RBPJ: variants seen among roughly 807,000 people sequenced by gnomAD.
The protein encoded by RBPJ is recombination signal binding protein for immunoglobulin kappa J region.
A neutral mutation model predicts 67.8 loss-of-function variants in RBPJ; 9 were observed. The observed-to-expected ratio is 0.13, with a 90% CI of 0.08 to 0.23. The LOEUF (loss-of-function observed/expected upper bound fraction) is 0.23, where lower values mean the gene tolerates loss of function less well. Ranked by LOEUF, RBPJ falls within the 10% of genes least tolerant of loss-of-function variation. The pLI is 1.00. For synonymous variants in RBPJ, 198 were observed against 203.3 expected (o/e 0.97, Z 0.22); for missense variants, 305 against 595.6 (o/e 0.51, Z 5.08).
chr4:26,180,304 C>T (rs527386712), intron 1 of RBPJ, among the ~76,000 whole-genome samples: 11 of 145,794 alleles, frequency 7.5e-5, no homozygotes, highest in African/African-American at 2.8e-4. Context: ...CAAACCGACA[C>T]ATGTACCCTT....
chr4:26,386,995 G>A (rs528026240), intron 2 of RBPJ, among the ~76,000 whole-genome samples: 23 of 150,794 alleles, frequency 1.5e-4, no homozygotes, highest in Admixed American at 3.3e-4. Flanking sequence ...AAGAAAATGA[G>A]ATATATATAT....
At chr4:26,320,671 C>T, upstream of RBPJ, 2 of 1,469,432 alleles carry the variant, frequency 1.4e-6, no homozygotes, top group Non-Finnish European at 1.8e-6. Flanking sequence ...TTCCTCGTCC[C>T]CGTAGTAATC....
intron 1 of RBPJ, among the ~76,000 whole-genome samples, chr4:26,360,734 A>G (rs1244458088): frequency 6.6e-6 from 1 of 151,556 alleles, no homozygotes; most frequent in African/African-American, 2.4e-5. Context: ...GGTGCGCGTC[A>G]CTATGACCAG....
At chr4:26,107,240 T>G in the RBPJ span, among the ~76,000 whole-genome samples, 1 of 152,192 alleles carries the variant, frequency 6.6e-6, no homozygotes, top group South Asian at 2.1e-4. Flanking sequence ...TAGGTAAAAA[T>G]AGTCTCAAGT....
chr4:26,110,198 C>A, the RBPJ span, among the ~76,000 whole-genome samples: 24 of 152,170 alleles, frequency 1.6e-4, no homozygotes, highest in Admixed American at 2.0e-4. The surrounding 1 kb of genome is among the most constrained non-coding windows in gnomAD (Gnocchi z 4.5). Context: ...ATTTCAATTT[C>A]TCTGTACTTC....
chr4:26,331,011 C>G (rs1318422310), intron 1 of RBPJ, among the ~76,000 whole-genome samples: 6 of 152,062 alleles, frequency 3.9e-5, no homozygotes, highest in Non-Finnish European at 7.4e-5. Context: ...CTAAAAGTAC[C>G]CATTCATTTA....
chr4:26,223,748 A>G (rs150730098), intron 1 of RBPJ, among the ~76,000 whole-genome samples: 130 of 152,342 alleles, frequency 8.5e-4, no homozygotes, highest in African/African-American at 3.0e-3. Context: ...TCTTAGAGAG[A>G]TAGACAGAGT....
chr4:26,354,329 A>G (rs553109937), intron 1 of RBPJ, among the ~76,000 whole-genome samples: 2 of 152,304 alleles, frequency 1.3e-5, no homozygotes, highest in South Asian at 2.1e-4. Context: ...TTTTATTTAA[A>G]TACAAAATAT....
chr4:26,199,643 T>A (rs1406783323), intron 1 of RBPJ, among the ~76,000 whole-genome samples: 1 of 152,070 alleles, frequency 6.6e-6, no homozygotes, highest in East Asian at 1.9e-4. Context: ...AAGCGGAAAT[T>A]TTAAGTTTCT....
At chr4:26,340,611 G>C (rs879684558) in intron 1 of RBPJ, among the ~76,000 whole-genome samples, 1 of 152,164 alleles carries the variant, frequency 6.6e-6, no homozygotes, top group Non-Finnish European at 1.5e-5. Context: ...TGTAATCCCA[G>C]CACTTTGGGA....
intron 1 of RBPJ, chr4:26,321,618 A>G (rs1577431770): frequency 6.5e-6 from 1 of 153,452 alleles, no homozygotes; most frequent in East Asian, 1.9e-4. Context: ...GTGACCTGCC[A>G]CAGCCCGGGC....
intron 1 of RBPJ, among the ~76,000 whole-genome samples, chr4:26,275,686 A>G (rs1721055478): frequency 6.6e-6 from 1 of 152,118 alleles, no homozygotes; most frequent in Admixed American, 6.5e-5. Flanking sequence ...GCTGGAGTGC[A>G]GTAGCGCGAT....
chr4:26,319,201 G>C (rs531782733), upstream of RBPJ, among the ~76,000 whole-genome samples: 697 of 152,126 alleles, frequency 4.6e-3, 3 homozygotes, highest in Admixed American at 0.01. Context: ...CAGGCTTGTG[G>C]AGGGCGACAG....
At chr4:26,151,579 T>C in the RBPJ span, among the ~76,000 whole-genome samples, 1 of 152,244 alleles carries the variant, frequency 6.6e-6, no homozygotes, top group Non-Finnish European at 1.5e-5. Context: ...AGAGAGTCAC[T>C]GTCCCCACCA....
chr4:26,173,457 A>C (rs1716677228), intron 1 of RBPJ, among the ~76,000 whole-genome samples: 1 of 152,284 alleles, frequency 6.6e-6, no homozygotes, highest in East Asian at 1.9e-4. Context: ...TTGAGTAGGA[A>C]GTTTGGAGAC....
chr4:26,412,641 G>A (rs1734155815), intron 3 of RBPJ, among the ~76,000 whole-genome samples: 1 of 152,120 alleles, frequency 6.6e-6, no homozygotes, highest in Non-Finnish European at 1.5e-5. Context: ...TTTAGATAAG[G>A]AATACACAAC....
rs76287736 is a variant in RBPJ at position 26,368,966 on chromosome 4, C to T, written c.21-17387C>T. On this transcript the variant is annotated intron_variant, in intron 1 of 10. Coordinates refer to ENST00000355476, the MANE Select transcript of RBPJ (RefSeq NM_015874.6). Reference sequence around the variant, plus strand: ...TCTCTGTAGGGAGCCAATTTTCAATCCTTGGTCTACTTTCCAAATCTGTTC... The same window carrying T: ...TCTCTGTAGGGAGCCAATTTTCAATTCTTGGTCTACTTTCCAAATCTGTTC... 7.6e-3 allele frequency among the ~76,000 whole-genome samples: 1,155 copies of T among 152,234 alleles called. 8 individuals carry two copies. Among genetic ancestry groups the T allele is most frequent in the Non-Finnish European group, 0.011 (756 of 68,008 alleles).
chr4:26,120,778 A>G, the RBPJ span, among the ~76,000 whole-genome samples: 1 of 136,138 alleles, frequency 7.3e-6, no homozygotes, highest in Non-Finnish European at 1.5e-5. Flanking sequence ...TTTATAGATG[A>G]GACCATTGAG....
At chr4:26,358,486 C>T (rs776343550) in intron 1 of RBPJ, among the ~76,000 whole-genome samples, 4 of 151,828 alleles carry the variant, frequency 2.6e-5, no homozygotes, top group Non-Finnish European at 5.9e-5. Flanking sequence ...TAAAAATAGT[C>T]CACTCAGTCC....
Sources: allele counts gnomAD v4.1 joint callset (sites outside exome capture counted in the v4.1 genomes callset), GRCh38; gene constraint gnomAD v4.1.1; non-coding constraint Gnocchi (gnomAD v3.1); transcripts MANE v1.5; gene names NCBI Gene and HGNC (gene_info 2026-07-23, HGNC 2026-07-21).